EYA1: variants seen among roughly 807,000 people sequenced by gnomAD.
EYA1 encodes EYA transcriptional coactivator and phosphatase 1, also known as protein phosphatase EYA1.
EYA1 carries 16 observed loss-of-function variants against 82.0 expected under a neutral mutation model. The observed-to-expected ratio is 0.20, with a 90% CI of 0.13 to 0.30. The LOEUF is 0.30. Among genes scored for constraint, EYA1 ranks in the 10% least tolerant of loss-of-function variants. The probability of loss-of-function intolerance (pLI) is 1.00; values close to 1 mark genes in which losing one functional copy is unlikely to be tolerated. For missense variants in EYA1, 633 were observed against 730.7 expected (o/e 0.87, Z 1.54); for synonymous variants, 261 against 264.4 (o/e 0.99, Z 0.12).
At chr8:71,256,830 T>C (rs1025554851) in intron 11 of EYA1, among the ~76,000 whole-genome samples, 2 of 151,984 alleles carry the variant, frequency 1.3e-5, no homozygotes, top group Admixed American at 6.6e-5. Flanking sequence ...TGAAACCCTG[T>C]CTCTACTAAA....
intron 2 of EYA1, among the ~76,000 whole-genome samples, chr8:71,497,655 A>AAGG (rs1253459255): frequency 2.6e-5 from 4 of 152,196 alleles, no homozygotes; most frequent in African/African-American, 9.6e-5. Context: ...GGAAAACACT[A>AAGG]AGGAGGTTCC....
intron 2 of EYA1, among the ~76,000 whole-genome samples, chr8:71,495,206 A>T (rs1305795900): frequency 6.6e-6 from 1 of 152,248 alleles, no homozygotes; most frequent in Non-Finnish European, 1.5e-5. Context: ...AAACAATTAA[A>T]ATTTTCAAAT....
intron 2 of EYA1, among the ~76,000 whole-genome samples, chr8:71,479,327 C>A (rs1160633925): frequency 1.3e-5 from 2 of 152,162 alleles, no homozygotes; most frequent in Non-Finnish European, 2.9e-5. Flanking sequence ...ACGAGGCCTG[C>A]CTACCCTGAA....
intron 12 of EYA1, among the ~76,000 whole-genome samples, chr8:71,228,074 A>C (rs1376343284): frequency 6.6e-6 from 1 of 152,176 alleles, no homozygotes; most frequent in Non-Finnish European, 1.5e-5. Context: ...TACTGACTCC[A>C]GAAAGAAAAA....
chr8:71,346,506 T>C (rs1825762033), intron 3 of EYA1, among the ~76,000 whole-genome samples: 1 of 147,652 alleles, frequency 6.8e-6, no homozygotes, highest in Non-Finnish European at 1.5e-5. Context: ...AATGTTTACT[T>C]CCAATTATTC....
chr8:71,282,563 C>T (rs1050336550), intron 9 of EYA1, among the ~76,000 whole-genome samples: 1 of 152,212 alleles, frequency 6.6e-6, no homozygotes, highest in African/African-American at 2.4e-5. Context: ...TCATGGCTTC[C>T]TTCTGCAACA....
At chr8:71,467,618 G>C (rs752201926) in intron 2 of EYA1, among the ~76,000 whole-genome samples, 1 of 152,060 alleles carries the variant, frequency 6.6e-6, no homozygotes, top group Non-Finnish European at 1.5e-5. Context: ...CTTAATAAAT[G>C]GTTCTAAGTG....
intron 3 of EYA1, among the ~76,000 whole-genome samples, chr8:71,353,224 A>G (rs1185587695): frequency 1.3e-5 from 2 of 152,206 alleles, no homozygotes; most frequent in African/African-American, 2.4e-5. Flanking sequence ...CTGCCGGCGC[A>G]GGGACCTGCG....
At chr8:71,218,853 C>G (rs1004547458) in intron 12 of EYA1, among the ~76,000 whole-genome samples, 1 of 151,674 alleles carries the variant, frequency 6.6e-6, no homozygotes, top group African/African-American at 2.4e-5. Context: ...AAGGCCATAG[C>G]GCCATGATGG....
rs183957299 is a variant in EYA1, at chr8:71,205,717, C to A, written c.1698+5439G>T. Among the ~76,000 whole-genome samples the A allele has an allele frequency of 2.6e-5, 4 of 152,066 alleles. 1 individual carries two copies. Among genetic ancestry groups the A allele is most frequent in the Non-Finnish European group, 5.9e-5 (4 of 68,020 alleles). On this transcript the variant is annotated intron_variant, in intron 17 of 17. Coordinates refer to ENST00000340726, the MANE Select transcript of EYA1 (RefSeq NM_000503.6). ...AGAATAGATTTCAATTGACCATTAA[C>A]GAAAGAGGCAACTGGCAGATTTACT...
intron 2 of EYA1, among the ~76,000 whole-genome samples, chr8:71,482,744 C>T (rs1372255706): frequency 6.6e-6 from 1 of 152,162 alleles, no homozygotes; most frequent in African/African-American, 2.4e-5. Context: ...ACAAAACTCA[C>T]AGGCCCAAAG....
At chr8:71,324,737 C>A (rs1822958447) in intron 4 of EYA1, among the ~76,000 whole-genome samples, 1 of 152,196 alleles carries the variant, frequency 6.6e-6, no homozygotes, top group South Asian at 2.1e-4. Context: ...TGTCTTCCGA[C>A]CCCCTGCGTG....
chr8:71,414,843 A>G (rs925009629), intron 2 of EYA1, among the ~76,000 whole-genome samples: 5 of 152,246 alleles, frequency 3.3e-5, no homozygotes, highest in Non-Finnish European at 7.3e-5. Context: ...TTTCTAAAGT[A>G]CAGAAAATCT....
intron 12 of EYA1, among the ~76,000 whole-genome samples, chr8:71,228,232 C>G (rs1437919174): frequency 2.0e-5 from 3 of 152,154 alleles, no homozygotes; most frequent in Admixed American, 6.5e-5. Context: ...ATTCTCTCCT[C>G]TAAGTATCCG....
chr8:71,207,002 C>T (rs1563613058), intron 17 of EYA1, among the ~76,000 whole-genome samples: 1 of 151,970 alleles, frequency 6.6e-6, no homozygotes, highest in Non-Finnish European at 1.5e-5. Context: ...GTGATCCACA[C>T]ACCTTGGCCT....
chr8:71,437,249 A>T (rs1806080214), intron 2 of EYA1, among the ~76,000 whole-genome samples: 1 of 151,834 alleles, frequency 6.6e-6, no homozygotes, highest in African/African-American at 2.4e-5. Context: ...ATTTTTCAAC[A>T]GTTTCGTTCT....
intron 2 of EYA1, among the ~76,000 whole-genome samples, chr8:71,517,676 G>T (rs1813068058): frequency 6.7e-6 from 1 of 148,538 alleles, no homozygotes; most frequent in East Asian, 2.0e-4. Flanking sequence ...AAGCCCCATT[G>T]AGTATGTTGT....
At chr8:71,362,095 T>C (rs1306930530), upstream of EYA1, 1 of 982,540 alleles carries the variant, frequency 1.0e-6, no homozygotes, top group Non-Finnish European at 1.2e-6. Flanking sequence ...AACAGCAGAA[T>C]CTCATCCCTC....
At chr8:71,347,162 G>A (rs1041387124) in intron 3 of EYA1, among the ~76,000 whole-genome samples, 1 of 152,150 alleles carries the variant, frequency 6.6e-6, no homozygotes, top group East Asian at 1.9e-4. Flanking sequence ...TGCTACTGGG[G>A]AGTCCATGTT....
Sources: allele counts gnomAD v4.1 joint callset (sites outside exome capture counted in the v4.1 genomes callset), GRCh38; gene constraint gnomAD v4.1.1; transcripts MANE v1.5; gene names NCBI Gene and HGNC (gene_info 2026-07-23, HGNC 2026-07-21).